Variants in TPRX1 observed in about 807,000 individuals in gnomAD.
TPRX1 encodes tetra-peptide repeat homeobox protein 1.
Under a neutral mutation model 8.1 loss-of-function variants are expected in TPRX1, and 2 were observed. The ratio of observed to expected loss-of-function variants is 0.25; its 90% CI spans 0.10 to 0.78. The LOEUF is 0.78. TPRX1 is among the 30% of genes least tolerant of loss of function. The pLI is 0.70. For synonymous variants in TPRX1, 257 were observed against 254.1 expected (o/e 1.01, Z -0.11); for missense variants, 517 against 586.9 (o/e 0.88, Z 1.23).
At chr19:47,801,814 A>C in exon 4 of TPRX1, 1 of 1,613,932 alleles carries the variant, frequency 6.2e-7, no homozygotes, top group Non-Finnish European at 8.5e-7. Flanking sequence ...AGTGATTTTC[A>C]TTCACAGAGC....
At chr19:47,814,429 C>T (rs1378578616) in intron 2 of TPRX1, among the ~76,000 whole-genome samples, 2 of 152,142 alleles carry the variant, frequency 1.3e-5, no homozygotes, top group Non-Finnish European at 2.9e-5. Context: ...GAAGCTAAAG[C>T]AGGAGGATCA....
At chr19:47,804,398 C>G (rs1435019072) in intron 2 of TPRX1, among the ~76,000 whole-genome samples, 117 bp downstream of exon 1, 1 of 152,166 alleles carries the variant, frequency 6.6e-6, no homozygotes. Context: ...TCTCCCCCGT[C>G]TGCAGGACAG....
At chr19:47,811,621 C>A (rs1481836075) in intron 2 of TPRX1, among the ~76,000 whole-genome samples, 1 of 151,656 alleles carries the variant, frequency 6.6e-6, no homozygotes, top group African/African-American at 2.4e-5. Context: ...GCCTCAGCCT[C>A]CTGAGTAGCT....
At chr19:47,813,338 CAACA>C (rs1195860119) in intron 2 of TPRX1, among the ~76,000 whole-genome samples, 14 of 151,534 alleles carry the variant, frequency 9.2e-5, no homozygotes. Context: ...AACAAACAAA[CAACA>C]AACAAAACTC....
intron 2 of TPRX1, among the ~76,000 whole-genome samples, chr19:47,817,691 TTCCCA>T (rs1353495770): frequency 6.6e-6 from 1 of 151,728 alleles, no homozygotes. Context: ...TCCCATGGGA[TTCCCA>T]GGGCTCATTG....
chr19:47,809,315 CTA>C, intron 2 of TPRX1, among the ~76,000 whole-genome samples: 1 of 151,838 alleles, frequency 6.6e-6, no homozygotes, highest in East Asian at 1.9e-4. Context: ...GGGTCTCTCT[CTA>C]TCACCCAGGC....
intron 2 of TPRX1, among the ~76,000 whole-genome samples, chr19:47,814,517 T>C (rs959825455): frequency 2.0e-5 from 3 of 152,150 alleles, no homozygotes; most frequent in Non-Finnish European, 2.9e-5. Context: ...AAGTTTATCA[T>C]TAACCTCTAC....
chr19:47,812,648 T>A (rs1967793974), intron 2 of TPRX1, among the ~76,000 whole-genome samples: 1 of 151,952 alleles, frequency 6.6e-6, no homozygotes, highest in South Asian at 2.1e-4. Flanking sequence ...GGCAGGAGAA[T>A]CGCTTGAACC....
Position 47,802,823 on chromosome 19 carries a change from AG to A in TPRX1, c.478del (p.Leu160PhefsTer30). The A allele has an allele frequency of 6.2e-7, 1 of 1,600,916 alleles. No homozygotes were observed. Among genetic ancestry groups the A allele is most frequent in the Non-Finnish European group, 8.5e-7 (1 of 1,173,796 alleles). ...GCAGATCGTGGGTTCCGCCGCTGGA[AG>A]GATTCCCGAGGGGCCCCGCTGAGGT... On this transcript the variant is annotated frameshift_variant, in exon 4 of 4. Transcript: ENST00000535759. LOFTEE classifies it low-confidence loss of function (END_TRUNC).
rs192116962 is a variant in TPRX1 at position 47,810,794 on chromosome 19, G to T, written c.152-7121C>A. ...GTGAGGGTATCTCTTGGTGCAGGGG[G>T]AGGGGGTTCAGGAGGGGCACATGGG... On this transcript the variant is annotated intron_variant, in intron 2 of 3. Coordinates refer to ENST00000535759, the Ensembl canonical transcript of TPRX1. Among the ~76,000 whole-genome samples, 253 of 152,132 alleles carry T rather than the reference G, an allele frequency of 1.7e-3. 2 individuals carry two copies. Among genetic ancestry groups the T allele is most frequent in the African/African-American group, 5.9e-3 (245 of 41,506 alleles).
chr19:47,812,298 CA>C (rs777304735), intron 2 of TPRX1, among the ~76,000 whole-genome samples: 4 of 151,986 alleles, frequency 2.6e-5, no homozygotes, highest in Non-Finnish European at 4.4e-5. Flanking sequence ...AGGCGTTACT[CA>C]AAGAATCACA....
At chr19:47,817,303 C>T (rs58542649) in intron 2 of TPRX1, among the ~76,000 whole-genome samples, 4,442 of 152,324 alleles carry the variant, frequency 0.029, 222 homozygotes, top group African/African-American at 0.1. Context: ...AACTTCCTCC[C>T]AGGCGGCTTC....
chr19:47,816,214 G>T (rs890678547), intron 2 of TPRX1, among the ~76,000 whole-genome samples: 31 of 151,536 alleles, frequency 2.0e-4, no homozygotes, highest in African/African-American at 7.3e-4. Context: ...GATTATAGGC[G>T]CACACCACCA....
intron 2 of TPRX1, among the ~76,000 whole-genome samples, chr19:47,806,548 A>C (rs957709846): frequency 6.6e-6 from 1 of 151,942 alleles, no homozygotes; most frequent in Non-Finnish European, 1.5e-5. Flanking sequence ...CCCCAAAAAA[A>C]CCCACAAAAA....
intron 2 of TPRX1, among the ~76,000 whole-genome samples, chr19:47,805,109 G>A (rs1269863119): frequency 1.3e-5 from 2 of 152,220 alleles, no homozygotes; most frequent in Non-Finnish European, 2.9e-5. Flanking sequence ...GCCTATAGGT[G>A]TAAGCAGAGC....
intron 2 of TPRX1, among the ~76,000 whole-genome samples, chr19:47,815,322 G>A (rs964189892): frequency 2.1e-5 from 3 of 145,232 alleles, no homozygotes; most frequent in Non-Finnish European, 4.5e-5. Flanking sequence ...GCCCGGCTAA[G>A]TTTTGTAGTT....
chr19:47,816,885 T>C (rs1166061612), intron 2 of TPRX1, among the ~76,000 whole-genome samples: 2 of 152,202 alleles, frequency 1.3e-5, no homozygotes, highest in Admixed American at 6.6e-5. Context: ...GTGAGCCCAG[T>C]TTTATACACT....
At chr19:47,813,080 C>G (rs1335502317) in intron 2 of TPRX1, among the ~76,000 whole-genome samples, 1 of 150,742 alleles carries the variant, frequency 6.6e-6, no homozygotes, top group Non-Finnish European at 1.5e-5. Context: ...GCACTCCAGC[C>G]TGGGCGACAG....
intron 2 of TPRX1, among the ~76,000 whole-genome samples, chr19:47,812,108 C>T (rs1278097506): frequency 4.6e-5 from 7 of 151,982 alleles, no homozygotes; most frequent in South Asian, 2.1e-4. Flanking sequence ...TCAGGTGATC[C>T]GCCCACCTCG....
Sources: allele counts gnomAD v4.1 joint callset (sites outside exome capture counted in the v4.1 genomes callset), GRCh38; gene constraint gnomAD v4.1.1; transcripts MANE v1.5; gene names NCBI Gene and HGNC (gene_info 2026-07-23, HGNC 2026-07-21).